The following APBB2 variants were observed in gnomAD, a reference collection of about 807,000 sequenced individuals.
The protein encoded by APBB2 is Fe65-like 1.
Under a neutral mutation model 82.5 loss-of-function variants are expected in APBB2, and 38 were observed. That is an observed-to-expected ratio of 0.46 (90% CI 0.36 to 0.60). APBB2 has a LOEUF of 0.60. Among genes scored for constraint, APBB2 ranks in the 20% least tolerant of loss-of-function variants. The pLI, the probability that APBB2 is intolerant of heterozygous loss-of-function variation, is 0.00. For synonymous variants in APBB2, 341 were observed against 368.2 expected (o/e 0.93, Z 0.85); for missense variants, 772 against 972.3 (o/e 0.79, Z 2.74).
intron 4 of APBB2, among the ~76,000 whole-genome samples, chr4:41,054,228 T>A (rs909156278): frequency 6.6e-6 from 1 of 152,194 alleles, no homozygotes; most frequent in African/African-American, 2.4e-5. Flanking sequence ...GGGAGGGTAC[T>A]GACAAGCTCA....
At chr4:40,947,421 A>G (rs969509500) in intron 6 of APBB2, among the ~76,000 whole-genome samples, 2 of 152,214 alleles carry the variant, frequency 1.3e-5, no homozygotes, top group African/African-American at 2.4e-5. Flanking sequence ...AGCTACATAC[A>G]TTATCAAAAT....
At chr4:41,101,429 A>G (rs1467230040) in intron 2 of APBB2, among the ~76,000 whole-genome samples, 18 of 129,528 alleles carry the variant, frequency 1.4e-4, no homozygotes, top group Admixed American at 9.0e-5. Context: ...GCGCCACTGC[A>G]GTCCGCAGTC....
rs200515166 is a variant in APBB2, at chr4:40,991,010, CAT to C, written c.835+22571_835+22572del. On this transcript the variant is annotated intron_variant, in intron 6 of 17. Coordinates refer to ENST00000508593, the MANE Select transcript of APBB2 (RefSeq NM_004307.2). The stretch of plus-strand genomic sequence containing the variant: ...TTTCTGGTCATTTTGGACTGAGTTT[CAT>C]TTTTTTTTTTTTTGGAGGCAAGGTT... Among the ~76,000 whole-genome samples the C allele has an allele frequency of 7.5e-3, 972 of 128,742 alleles. 71 individuals carry two copies. The highest frequency in any genetic ancestry group is 0.065 in the Admixed American group (762 of 11,784). 84.5% of individuals were successfully genotyped at this position (128,742 alleles called of 152,430 possible).
chr4:40,822,981 G>A (rs1281272194), intron 16 of APBB2, among the ~76,000 whole-genome samples: 1 of 152,180 alleles, frequency 6.6e-6, no homozygotes, highest in African/African-American at 2.4e-5. Context: ...CAGGCAGTGA[G>A]CACCCTGCTC....
intron 11 of APBB2, 194 bp downstream of exon 11, chr4:40,893,071 C>A: frequency 1.8e-6 from 1 of 543,444 alleles, no homozygotes; most frequent in Non-Finnish European, 3.1e-6. Flanking sequence ...AGGCCCCAGT[C>A]CTCACTGGCA....
At chr4:41,052,229 A>G (rs1239609733) in intron 4 of APBB2, among the ~76,000 whole-genome samples, 7 of 151,958 alleles carry the variant, frequency 4.6e-5, no homozygotes, top group African/African-American at 1.7e-4. Flanking sequence ...ACATACATAC[A>G]TACATACATA....
At chr4:40,920,482 T>C (rs2154367863) in intron 10 of APBB2, among the ~76,000 whole-genome samples, 1 of 152,264 alleles carries the variant, frequency 6.6e-6, no homozygotes, top group South Asian at 2.1e-4. Flanking sequence ...AACAGTTACA[T>C]GTCTTTAGGT....
chr4:41,153,160 T>G (rs1762684387), intron 1 of APBB2, among the ~76,000 whole-genome samples: 1 of 152,204 alleles, frequency 6.6e-6, no homozygotes, highest in African/African-American at 2.4e-5. Context: ...AGGTAACCTA[T>G]CTTTTGTGTT....
intron 2 of APBB2, among the ~76,000 whole-genome samples, chr4:41,137,733 C>T (rs1287939080): frequency 1.3e-5 from 2 of 151,870 alleles, no homozygotes; most frequent in African/African-American, 4.8e-5. Flanking sequence ...TGATTTTCTA[C>T]AAAAAAAGTC....
chr4:40,953,589 C>A (rs1363029366), intron 6 of APBB2, among the ~76,000 whole-genome samples: 1 of 152,142 alleles, frequency 6.6e-6, no homozygotes, highest in Non-Finnish European at 1.5e-5. Context: ...AATGCCTTTC[C>A]CCCGAATTCT....
chr4:40,983,552 T>C (rs774386421), intron 6 of APBB2, among the ~76,000 whole-genome samples: 1 of 150,776 alleles, frequency 6.6e-6, no homozygotes, highest in South Asian at 2.1e-4. Context: ...GAGTCCAAGT[T>C]TCTTAACGAA....
intron 12 of APBB2, among the ~76,000 whole-genome samples, chr4:40,882,106 C>G (rs537302090): frequency 6.6e-6 from 1 of 152,166 alleles, no homozygotes; most frequent in South Asian, 2.1e-4. Context: ...ACAGGCAGGA[C>G]CAGGCAGGAG....
chr4:40,895,254 C>A (rs1021845458), intron 10 of APBB2, among the ~76,000 whole-genome samples: 1 of 152,232 alleles, frequency 6.6e-6, no homozygotes, highest in African/African-American at 2.4e-5. Flanking sequence ...ATCCTCACGT[C>A]CCAGAGGAGA....
chr4:41,019,873 A>G (rs1268979991), intron 5 of APBB2, among the ~76,000 whole-genome samples: 1 of 152,110 alleles, frequency 6.6e-6, no homozygotes, highest in African/African-American at 2.4e-5. Flanking sequence ...AGAGACAAGG[A>G]GACAGAAAGT....
intron 12 of APBB2, among the ~76,000 whole-genome samples, chr4:40,862,397 C>T (rs1762963806): frequency 6.6e-6 from 1 of 152,238 alleles, no homozygotes; most frequent in Non-Finnish European, 1.5e-5. Flanking sequence ...GAAGCCACTT[C>T]AAAATCTCCT....
At chr4:40,919,586 A>G (rs1220786420) in intron 10 of APBB2, among the ~76,000 whole-genome samples, 3 of 152,222 alleles carry the variant, frequency 2.0e-5, no homozygotes, top group Non-Finnish European at 4.4e-5. Context: ...TGGCCTTAGA[A>G]ATGGTACACA....
intron 3 of APBB2, among the ~76,000 whole-genome samples, chr4:41,077,027 C>T (rs1318583255): frequency 6.8e-6 from 1 of 147,310 alleles, no homozygotes; most frequent in Non-Finnish European, 1.5e-5. Context: ...TTTTTTGAGA[C>T]ACAGTCTTGC....
At chr4:41,054,302 T>C (rs1727078769) in intron 4 of APBB2, among the ~76,000 whole-genome samples, 1 of 152,198 alleles carries the variant, frequency 6.6e-6, no homozygotes, top group African/African-American at 2.4e-5. Context: ...CCCAGTGGAC[T>C]TATTCTCAGG....
At chr4:41,040,166 C>CA (rs1464321875) in intron 4 of APBB2, among the ~76,000 whole-genome samples, 4 of 151,892 alleles carry the variant, frequency 2.6e-5, no homozygotes, top group Admixed American at 2.0e-4. Context: ...GAAGGGCTGT[C>CA]AAAAAAACTG....
Sources: allele counts gnomAD v4.1 joint callset (sites outside exome capture counted in the v4.1 genomes callset), GRCh38; gene constraint gnomAD v4.1.1; transcripts MANE v1.5; gene names NCBI Gene and HGNC (gene_info 2026-07-23, HGNC 2026-07-21).